Variants in SRL observed in about 807,000 individuals in gnomAD.
SRL encodes the protein sarcalumenin.
In SRL, 23 loss-of-function variants were observed where a neutral mutation model predicts 39.5. The observed-to-expected ratio is 0.58, with a 90% CI of 0.42 to 0.82. SRL has a LOEUF of 0.82. SRL is among the 40% of genes least tolerant of loss of function. SRL has a pLI of 0.00. For synonymous variants in SRL, 272 were observed against 237.4 expected (o/e 1.15, Z -1.34); for missense variants, 592 against 607.8 (o/e 0.97, Z 0.27).
intron 1 of SRL, among the ~76,000 whole-genome samples, chr16:4,230,064 C>T (rs887893324): frequency 2.0e-5 from 3 of 152,082 alleles, no homozygotes; most frequent in African/African-American, 7.2e-5. Flanking sequence ...CAGAGACACA[C>T]CCCCTAGGAA....
chr16:4,193,459 G>A (rs2052095110), intron 5 of SRL, among the ~76,000 whole-genome samples: 1 of 152,252 alleles, frequency 6.6e-6, no homozygotes, highest in South Asian at 2.1e-4. Flanking sequence ...GGAGAGAAAT[G>A]AGGAATTAGA....
chr16:4,211,284 T>C (rs2052388713), intron 1 of SRL, among the ~76,000 whole-genome samples: 1 of 152,088 alleles, frequency 6.6e-6, no homozygotes, highest in Non-Finnish European at 1.5e-5. Flanking sequence ...CCCACCCCAC[T>C]AAGGATCCCC....
chr16:4,220,344 A>T (rs2052510603), intron 1 of SRL, among the ~76,000 whole-genome samples: 1 of 148,188 alleles, frequency 6.7e-6, no homozygotes, highest in East Asian at 2.0e-4. Context: ...GCTACTCAGG[A>T]GGCTGAGGCA....
At chr16:4,215,009 C>T (rs2052440356) in intron 1 of SRL, among the ~76,000 whole-genome samples, 2 of 152,130 alleles carry the variant, frequency 1.3e-5, no homozygotes, top group African/African-American at 4.8e-5. Context: ...CTCAGGTGAT[C>T]CACCCGCCTC....
intron 1 of SRL, among the ~76,000 whole-genome samples, chr16:4,240,064 C>A (rs964344221): frequency 5.9e-5 from 9 of 152,188 alleles, no homozygotes; most frequent in Non-Finnish European, 1.2e-4. Context: ...GCCCACCACC[C>A]CAGCCAGAGC....
chr16:4,215,632 T>A (rs1195698174), intron 1 of SRL, among the ~76,000 whole-genome samples: 1 of 152,086 alleles, frequency 6.6e-6, no homozygotes, highest in East Asian at 1.9e-4. Context: ...AATAAGAGGG[T>A]CTAAGTCTAC....
At position 4,242,007 on chromosome 16, in the gene SRL, C is replaced by G; in HGVS notation, c.61G>C (p.Glu21Gln). 1 of 1,613,752 alleles carries G rather than the reference C, an allele frequency of 6.2e-7. No individual in the cohort carries two copies. The change falls in exon 1 of 6, where the codon GAA becomes CAA. Residue 21 changes from glutamate (E) to glutamine (Q), a missense_variant and splice_region_variant. Coordinates refer to ENST00000399609, the MANE Select transcript of SRL (RefSeq NM_001098814.2). ...LASLLFSGQAEETEDANEEAP... is the reference protein window; with the variant it reads ...LASLLFSGQAQETEDANEEAP... ...TGGGTCATGCTGGGAGGGGCCCTAC[C>G]TGCTTGTCCTGAGAACAGGAGCGAG...
intron 1 of SRL, among the ~76,000 whole-genome samples, chr16:4,227,236 G>A (rs2052603531): frequency 6.6e-6 from 1 of 151,440 alleles, no homozygotes; most frequent in Admixed American, 6.6e-5. Flanking sequence ...ATGGGTGGGT[G>A]GATGGATGGA....
In SRL at chr16:4,194,840, G is replaced by A. The variant is rs138944512; in HGVS notation, c.610+713C>T. The stretch of plus-strand genomic sequence containing the variant: ...CTCTCCTGGTCTTAGGCAACACTGG[G>A]CACACTTCCTCTCCCTGCCTGCCTA... On this transcript the variant is annotated intron_variant, in intron 5 of 5. Transcript: ENST00000399609. Among the ~76,000 whole-genome samples, 499 of 152,096 alleles carry A rather than the reference G, an allele frequency of 3.3e-3. 1 individual carries two copies. The highest frequency in any genetic ancestry group is 0.01 in the African/African-American group (429 of 41,480).
chr16:4,228,523 CAGG>C (rs1428314411), intron 1 of SRL, among the ~76,000 whole-genome samples: 1 of 152,030 alleles, frequency 6.6e-6, no homozygotes, highest in Non-Finnish European at 1.5e-5. Flanking sequence ...ATCACTAGGT[CAGG>C]AGATCGAGAC....
intron 1 of SRL, among the ~76,000 whole-genome samples, chr16:4,209,491 A>G (rs1175199631): frequency 6.6e-6 from 1 of 150,852 alleles, no homozygotes; most frequent in Non-Finnish European, 1.5e-5. Context: ...GATGCAGACA[A>G]CCCCCCTCTC....
In SRL at chr16:4,192,003, T is replaced by C; in HGVS notation, c.*150A>G. 1.2e-6 allele frequency: 1 copy of C among 830,208 alleles called. No individual in the cohort carries two copies. Among genetic ancestry groups the C allele is most frequent in the South Asian group, 1.8e-5 (1 of 54,706 alleles). 51.4% of individuals were successfully genotyped at this position (830,208 alleles called of 1,614,324 possible). A position where few individuals can be genotyped will look rare whatever the true frequency, so the allele number is the denominator to read the frequency against. On this transcript the variant is annotated 3_prime_UTR_variant, in exon 6 of 6. Transcript: ENST00000399609. This position sits in a 1 kb window ranked among gnomAD's most constrained non-coding sequence, Gnocchi z 4.0. ...ACTCTCCTCCCTAGACCCACACACCTGCCCCGACCCCTGGCCTCAATGAAC... is the reference window on the plus strand; with the variant it reads ...ACTCTCCTCCCTAGACCCACACACCCGCCCCGACCCCTGGCCTCAATGAAC...
rs557923194 is a variant in SRL at position 4,210,569 on chromosome 16, T to C, written c.62-5935A>G. On this transcript the variant is annotated intron_variant, in intron 1 of 5. Coordinates refer to ENST00000399609, the MANE Select transcript of SRL (RefSeq NM_001098814.2). ...CAGTGAACGCGATCTCGGTTCACTG[T>C]AATCTCCACCTCCCGGGTTCAAGCG... Among the ~76,000 whole-genome samples, 4 of 149,512 alleles carry C rather than the reference T, an allele frequency of 2.7e-5. No homozygotes were observed. The South Asian group carries it at 8.5e-4, about 32-fold the overall frequency.
At chr16:4,225,065 A>C (rs1485742544) in intron 1 of SRL, among the ~76,000 whole-genome samples, 1 of 152,156 alleles carries the variant, frequency 6.6e-6, no homozygotes, top group Admixed American at 6.6e-5. Context: ...CAGAAAGCAG[A>C]TTAGTGGTTG....
At chr16:4,211,715 GTGA>G (rs1317626583) in intron 1 of SRL, among the ~76,000 whole-genome samples, 1 of 151,382 alleles carries the variant, frequency 6.6e-6, no homozygotes, top group African/African-American at 2.4e-5. Flanking sequence ...GATGGTGATG[GTGA>G]TGACCGTGCC....
rs192508351 is a variant in SRL, at chr16:4,225,940, G to A, written c.61+16067C>T. 4.8e-4 allele frequency among the ~76,000 whole-genome samples: 73 copies of A among 152,078 alleles called. 1 individual carries two copies. The highest frequency in any genetic ancestry group is 1.5e-3 in the African/African-American group (64 of 41,492). On this transcript the variant is annotated intron_variant, in intron 1 of 5. Transcript: ENST00000399609. The stretch of plus-strand genomic sequence containing the variant: ...CCCCATCTCTCCCATGTGCCCCCTC[G>A]TCCACTGTGTCCAGCCACTCTGGAT...
chr16:4,206,666 A>T (rs2052322435), intron 1 of SRL: 5 of 456,664 alleles, frequency 1.1e-5, no homozygotes, highest in Non-Finnish European at 2.2e-5. Flanking sequence ...TACACACAAG[A>T]CTTCCAGGGA....
chr16:4,220,556 C>T (rs2052515237), intron 1 of SRL, among the ~76,000 whole-genome samples: 1 of 152,178 alleles, frequency 6.6e-6, no homozygotes. Flanking sequence ...ATGCACTTTC[C>T]TGGGTGAGCT....
At chr16:4,210,311 T>C (rs987039344) in intron 1 of SRL, among the ~76,000 whole-genome samples, 6 of 152,158 alleles carry the variant, frequency 3.9e-5, no homozygotes, top group Non-Finnish European at 5.9e-5. Context: ...CAGAAGAGAC[T>C]GAATGTCCTC....
Sources: allele counts gnomAD v4.1 joint callset (sites outside exome capture counted in the v4.1 genomes callset), GRCh38; gene constraint gnomAD v4.1.1; non-coding constraint Gnocchi (gnomAD v3.1); transcripts MANE v1.5; gene names NCBI Gene and HGNC (gene_info 2026-07-23, HGNC 2026-07-21).